The following DNAH17 variants were observed in gnomAD, a reference collection of about 807,000 sequenced individuals.
DNAH17 encodes the protein dynein axonemal heavy chain 17, also known as axonemal beta dynein heavy chain 17.
In DNAH17, 376 loss-of-function variants were observed where a neutral mutation model predicts 485.6. The ratio of observed to expected loss-of-function variants is 0.77; its 90% confidence interval spans 0.71 to 0.84. DNAH17 has a LOEUF of 0.84. Among genes scored for constraint, DNAH17 ranks in the 40% least tolerant of loss-of-function variants. DNAH17 has a pLI of 0.00. For missense variants in DNAH17, 6,370 were observed against 5,839.3 expected (o/e 1.09, Z -2.96); for synonymous variants, 3,031 against 2,405.9 (o/e 1.26, Z -7.60).
chr17:78,496,647 C>T (rs1287548048), intron 37 of DNAH17: 1 of 147,336 alleles, frequency 6.8e-6, no homozygotes, highest in Non-Finnish European at 1.5e-5. Flanking sequence ...TTGTATCATA[C>T]ACGATCTTCC....
In DNAH17 at chr17:78,530,391, C is replaced by G; in HGVS notation, c.3236G>C (p.Arg1079Pro). 1.2e-6 allele frequency: 2 copies of G among 1,613,334 alleles called. No individual in the cohort carries two copies. Among genetic ancestry groups the G allele is most frequent in the South Asian group, 2.2e-5 (2 of 91,076 alleles). Reference protein sequence around the residue: ...FKQALLSTIRRWGFMFKRHLS... With the variant: ...FKQALLSTIRPWGFMFKRHLS... ...GTGCCGCTTGAACATGAAGCCCCAG[C>G]GCCGGATTGTGCTGAGCAGGGCCTG... The change falls in exon 21 of 81, where the codon CGC becomes CCC. Residue 1079 changes from arginine to proline, a missense_variant. Physicochemically the swap from Arg to Pro is moderately radical, Grantham distance 103 (BLOSUM62 -2). Coordinates refer to ENST00000389840, the MANE Select transcript of DNAH17 (RefSeq NM_173628.4).
chr17:78,452,931 G>A (rs891653162), intron 65 of DNAH17, among the ~76,000 whole-genome samples: 2 of 152,004 alleles, frequency 1.3e-5, no homozygotes, highest in South Asian at 2.1e-4. Flanking sequence ...TGGTGAAAAT[G>A]TGCAACTGGA....
intron 74 of DNAH17, among the ~76,000 whole-genome samples, chr17:78,434,662 A>G (rs2086800082): frequency 1.3e-5 from 2 of 151,014 alleles, no homozygotes; most frequent in East Asian, 2.0e-4. Context: ...GGGATGGGAT[A>G]GAGGATGGGG....
chr17:78,565,439 G>A (rs1238848459), intron 11 of DNAH17, among the ~76,000 whole-genome samples: 4 of 152,350 alleles, frequency 2.6e-5, no homozygotes, highest in Non-Finnish European at 5.9e-5. Context: ...AAGGGCAAAG[G>A]AACATCCTGA....
At chr17:78,569,594 C>A in intron 7 of DNAH17, 67 bp from the exon 8 acceptor site, 1 of 1,525,354 alleles carries the variant, frequency 6.6e-7, no homozygotes, top group Non-Finnish European at 8.8e-7. Flanking sequence ...CCAGGCACGC[C>A]GCCTGCAGGA....
intron 42 of DNAH17, among the ~76,000 whole-genome samples, chr17:78,491,890 A>T (rs1245862845): frequency 6.6e-6 from 1 of 152,168 alleles, no homozygotes; most frequent in East Asian, 1.9e-4. Flanking sequence ...CTGTGCACCC[A>T]GCTCTGTCCA....
chr17:78,571,801 G>T lies in DNAH17; in HGVS notation c.540-19C>A, dbSNP rs4969148. 24 of 1,555,612 alleles carry T rather than the reference G, an allele frequency of 1.5e-5. No homozygotes were observed. The Admixed American group carries it at 3.6e-4, about 23-fold the overall frequency. On this transcript the variant is annotated intron_variant, in intron 3 of 80. Transcript: ENST00000389840. ...GGGGATCCTGCCCAGTGGAAGGTTG[G>T]GGCATTGCTCTCATGGCGACACACA...
intron 19 of DNAH17, among the ~76,000 whole-genome samples, chr17:78,533,520 A>ATCTC (rs1167227788): frequency 2.0e-5 from 3 of 152,216 alleles, no homozygotes; most frequent in Non-Finnish European, 4.4e-5. Context: ...AGAGCACGAG[A>ATCTC]GGCCAGTGCT....
intron 72 of DNAH17, 29 bp from the exon 73 acceptor site, chr17:78,439,246 A>G (rs1235027087): frequency 6.3e-7 from 1 of 1,591,486 alleles, no homozygotes; most frequent in South Asian, 1.1e-5. Context: ...GGAAAAAAAC[A>G]CCACGTAATT....
At chr17:78,440,976 G>C in intron 72 of DNAH17, 75 bp downstream of exon 72, 2 of 1,526,358 alleles carry the variant, frequency 1.3e-6, no homozygotes, top group Admixed American at 3.9e-5. Flanking sequence ...TGTGCTTTTG[G>C]TGTGCATTTT....
At chr17:78,549,287 T>TA (rs1446434247) in intron 16 of DNAH17, among the ~76,000 whole-genome samples, 1 of 137,822 alleles carries the variant, frequency 7.3e-6, no homozygotes, top group African/African-American at 3.1e-5. Flanking sequence ...GAGCAACCTC[T>TA]CTCTACTACG....
rs1314359706 is a variant in DNAH17, at chr17:78,530,323, G to A, written c.3284+20C>T. 2.5e-6 allele frequency: 4 copies of A among 1,593,550 alleles called. No homozygotes were observed. Among genetic ancestry groups the A allele is most frequent in the South Asian group, 2.2e-5 (2 of 89,762 alleles). On this transcript the variant is annotated intron_variant, in intron 21 of 80. Transcript: ENST00000389840. ...TCTGCACATTCCTTGGGCTCCCCGA[G>A]TACATGGCTGGGGACCCACCTGTTG...
Position 78,561,892 on chromosome 17 carries a change from T to G in DNAH17, c.1658A>C (p.Asp553Ala). The G allele has an allele frequency of 6.2e-7, 1 of 1,613,826 alleles. No homozygotes were observed. Among genetic ancestry groups the G allele is most frequent in the Non-Finnish European group, 8.5e-7 (1 of 1,179,840 alleles). The part of the protein sequence containing the change: ...PRYSVMLELF[D>A]AELDNAKILY... ...GATCTTAGCATTGTCTAGCTCAGCG[T>G]CAAACAGCTCCAGCATGACTGAATA... The change falls in exon 12 of 81, where the codon GAC becomes GCC. Residue 553 changes from aspartate to alanine, a missense_variant. By Grantham distance (126) the Asp-to-Ala change is moderately radical (BLOSUM62 -2). Coordinates refer to ENST00000389840, the MANE Select transcript of DNAH17 (RefSeq NM_173628.4).
intron 77 of DNAH17, 165 bp from the exon 78 acceptor site, chr17:78,427,273 T>G: frequency 1.5e-6 from 1 of 668,776 alleles, no homozygotes; most frequent in Non-Finnish European, 2.6e-6. Flanking sequence ...AGCCACACAT[T>G]TGATGAGGAG....
At chr17:78,504,333 G>A (rs887749994) in intron 31 of DNAH17, among the ~76,000 whole-genome samples, 1 of 152,074 alleles carries the variant, frequency 6.6e-6, no homozygotes, top group Admixed American at 6.5e-5. Context: ...CCAAAGTGCT[G>A]GGATTATTGG....
At chr17:78,536,914 G>A (rs2091389555) in intron 19 of DNAH17, among the ~76,000 whole-genome samples, 4 of 151,984 alleles carry the variant, frequency 2.6e-5, no homozygotes, top group South Asian at 2.1e-4. Context: ...GGTGGCTCAC[G>A]CCTATAATCC....
rs778534945 is a variant in DNAH17 at position 78,494,714 on chromosome 17, G to T, written c.6149C>A (p.Ala2050Glu). ...CTTGGGGATGTTGAAGTCTCTCAGC[G>T]CCCGCATGAGCACCTGGTCCTCTGC... ...SRAEDQVLMR[A>E]LRDFNIPKIV... The change falls in exon 40 of 81, where the codon GCG becomes GAG. Residue 2050 changes from alanine to glutamate, a missense_variant. Transcript: ENST00000389840. The T allele has an allele frequency of 6.2e-7, 1 of 1,613,840 alleles. No individual in the cohort carries two copies. The highest frequency in any genetic ancestry group is 1.1e-5 in the South Asian group (1 of 91,088).
Position 78,530,425 on chromosome 17 carries a change from G to A in DNAH17, c.3202C>T (p.Pro1068Ser), listed in dbSNP as rs755963663. 28 of 1,613,546 alleles carry A rather than the reference G, an allele frequency of 1.7e-5. No homozygotes were observed. The highest frequency in any genetic ancestry group is 2.2e-5 in the Non-Finnish European group (26 of 1,179,790). Reference sequence around the variant, plus strand: ...GTGCTGAGCAGGGCCTGCTTGAAGGGGCGGCAGTCGCACTGCAGCCAGCCG... The same window carrying A: ...GTGCTGAGCAGGGCCTGCTTGAAGGAGCGGCAGTCGCACTGCAGCCAGCCG... Reference protein sequence around the residue: ...FHGWLQCDCRPFKQALLSTIR... With the variant: ...FHGWLQCDCRSFKQALLSTIR... Residue 1068 changes from proline (P) to serine (S), a missense_variant, in exon 21 of 81, where the codon CCC (proline) becomes TCC (serine). By Grantham distance (74) the Pro-to-Ser change is moderately conservative. Transcript: ENST00000389840.
chr17:78,426,675 G>C (rs542562231), intron 78 of DNAH17, 75 bp from the exon 79 acceptor site: 2 of 1,523,842 alleles, frequency 1.3e-6, no homozygotes, highest in Non-Finnish European at 1.8e-6. Context: ...TGCGTGTCAT[G>C]AGTTGTCAAC....
Sources: allele counts gnomAD v4.1 joint callset (sites outside exome capture counted in the v4.1 genomes callset), GRCh38; gene constraint gnomAD v4.1.1; transcripts MANE v1.5; gene names NCBI Gene and HGNC (gene_info 2026-07-23, HGNC 2026-07-21).